Variants in AGBL4 observed in about 807,000 individuals in gnomAD.
AGBL4 encodes the protein cytosolic carboxypeptidase 6.
Under a neutral mutation model 66.4 loss-of-function variants are expected in AGBL4, and 58 were observed. That is an observed-to-expected ratio of 0.87 (90% CI 0.71 to 1.09). AGBL4 has a LOEUF of 1.09. Among genes scored for constraint, AGBL4 ranks in the 50% least tolerant of loss-of-function variants. The pLI, the probability that AGBL4 is intolerant of heterozygous loss-of-function variation, is 0.00. For missense variants in AGBL4, 579 were observed against 631.0 expected (o/e 0.92, Z 0.88); for synonymous variants, 234 against 222.9 (o/e 1.05, Z -0.44).
At chr1:49,615,236 T>A (rs1399961868) in intron 3 of AGBL4, among the ~76,000 whole-genome samples, 4 of 152,162 alleles carry the variant, frequency 2.6e-5, no homozygotes, top group Non-Finnish European at 4.4e-5. Context: ...GGAGGCAGTA[T>A]AAATCTCCTG....
chr1:49,185,194 AAGT>A (rs1465316516), intron 4 of AGBL4, among the ~76,000 whole-genome samples: 2 of 152,188 alleles, frequency 1.3e-5, no homozygotes, highest in Admixed American at 6.5e-5. Context: ...AGATGCCCGT[AAGT>A]AAGACAGACC....
chr1:48,617,299 T>C (rs1446262253), intron 9 of AGBL4, among the ~76,000 whole-genome samples: 9 of 152,144 alleles, frequency 5.9e-5, no homozygotes, highest in Admixed American at 2.0e-4. Flanking sequence ...TTTTAACAAA[T>C]TATACCAAAG....
chr1:48,660,830 G>A (rs768149936), intron 7 of AGBL4, among the ~76,000 whole-genome samples: 2 of 112,696 alleles, frequency 1.8e-5, no homozygotes, highest in Non-Finnish European at 4.3e-5. Context: ...ATTGTTGTGG[G>A]TGATCAGAAC....
chr1:48,668,793 G>A (rs545928587), intron 6 of AGBL4, among the ~76,000 whole-genome samples: 2 of 150,594 alleles, frequency 1.3e-5, no homozygotes, highest in South Asian at 2.1e-4. Context: ...ACAATAAAGA[G>A]GGAATGGATG....
intron 6 of AGBL4, among the ~76,000 whole-genome samples, chr1:48,739,258 AC>A (rs1228173749): frequency 6.6e-6 from 1 of 152,136 alleles, no homozygotes; most frequent in African/African-American, 2.4e-5. Flanking sequence ...TATAATCACG[AC>A]AGATTAAGTT....
intron 3 of AGBL4, among the ~76,000 whole-genome samples, chr1:49,371,903 T>A (rs994503238): frequency 6.6e-6 from 1 of 151,348 alleles, no homozygotes; most frequent in South Asian, 2.1e-4. Flanking sequence ...CCTGATGGTG[T>A]CTCAGACCTC....
At chr1:49,247,142 T>C (rs941229450) in intron 3 of AGBL4, among the ~76,000 whole-genome samples, 1 of 152,056 alleles carries the variant, frequency 6.6e-6, no homozygotes, top group Admixed American at 6.6e-5. Flanking sequence ...TACTCTTGAG[T>C]TAATCACTAA....
intron 2 of AGBL4, among the ~76,000 whole-genome samples, chr1:49,709,544 G>A (rs1238884514): frequency 2.6e-5 from 4 of 152,076 alleles, no homozygotes; most frequent in African/African-American, 7.2e-5. Context: ...AAAAGCAATG[G>A]CAACAAAAGC....
At chr1:49,606,106 G>C (rs1307754581) in intron 3 of AGBL4, among the ~76,000 whole-genome samples, 1 of 152,104 alleles carries the variant, frequency 6.6e-6, no homozygotes. Flanking sequence ...TTCGCCTTCT[G>C]AATTCCAGAT....
At chr1:49,841,640 C>T (rs1023289907) in intron 2 of AGBL4, among the ~76,000 whole-genome samples, 4 of 151,996 alleles carry the variant, frequency 2.6e-5, no homozygotes, top group African/African-American at 4.8e-5. Flanking sequence ...GGTACTAAAA[C>T]GGACACAGAG....
intron 6 of AGBL4, among the ~76,000 whole-genome samples, chr1:48,824,113 C>T (rs1045601855): frequency 5.3e-5 from 8 of 152,160 alleles, no homozygotes; most frequent in Non-Finnish European, 1.2e-4. Context: ...TTTCTTCCTT[C>T]TTTTCCTCTG....
intron 4 of AGBL4, among the ~76,000 whole-genome samples, chr1:49,056,164 T>C (rs1644304516): frequency 6.6e-6 from 1 of 152,108 alleles, no homozygotes; most frequent in Non-Finnish European, 1.5e-5. Context: ...AAATACTGCC[T>C]GTTTTATTTG....
intron 4 of AGBL4, among the ~76,000 whole-genome samples, chr1:49,171,111 G>T (rs983184514): frequency 6.6e-6 from 1 of 152,124 alleles, no homozygotes; most frequent in Non-Finnish European, 1.5e-5. Context: ...TTGCAAAAGG[G>T]TATGAACTCA....
intron 1 of AGBL4, among the ~76,000 whole-genome samples, chr1:49,899,306 C>T (rs1649535389): frequency 6.6e-6 from 1 of 151,666 alleles, no homozygotes; most frequent in Admixed American, 6.6e-5. Context: ...AATAAGACAC[C>T]TATATTCACT....
chr1:49,725,073 A>C (rs1317148064), intron 2 of AGBL4, among the ~76,000 whole-genome samples: 1 of 152,044 alleles, frequency 6.6e-6, no homozygotes, highest in Admixed American at 6.6e-5. Flanking sequence ...AGGGAATAAA[A>C]GCACTTGTTT....
chr1:49,803,586 A>G (rs964381308), intron 2 of AGBL4, among the ~76,000 whole-genome samples: 2 of 152,170 alleles, frequency 1.3e-5, no homozygotes, highest in Non-Finnish European at 2.9e-5. Flanking sequence ...CAGCTCTGTG[A>G]TCTTGAAAAA....
At chr1:49,067,774 T>C (rs1644517409) in intron 4 of AGBL4, among the ~76,000 whole-genome samples, 1 of 152,224 alleles carries the variant, frequency 6.6e-6, no homozygotes, top group African/African-American at 2.4e-5. Context: ...TTTATTATTA[T>C]ACTTTAAGTT....
intron 2 of AGBL4, among the ~76,000 whole-genome samples, chr1:49,812,349 C>T (rs1201703161): frequency 6.6e-6 from 1 of 152,138 alleles, no homozygotes; most frequent in African/African-American, 2.4e-5. Context: ...AGCATGATTT[C>T]CTCCAACACC....
rs1346050028 is a variant in AGBL4, at chr1:48,736,545, G to C, written c.635-73304C>G. 10 of 1,069,406 alleles carry C rather than the reference G, an allele frequency of 9.4e-6. No homozygotes were observed. Among genetic ancestry groups the C allele is most frequent in the Non-Finnish European group, 1.4e-5 (10 of 712,652 alleles). 66.2% of individuals were successfully genotyped at this position (1,069,406 alleles called of 1,614,324 possible). On this transcript the variant is annotated intron_variant, in intron 6 of 13. Coordinates refer to ENST00000371839, the MANE Select transcript of AGBL4 (RefSeq NM_032785.4). This position sits in a 1 kb window ranked among gnomAD's most constrained non-coding sequence, Gnocchi z 4.0. ...CTTTAAAAAGCATTGCTGCACAACT[G>C]TAAGAGATTCATGTCATAAATATGA...
Sources: gnomAD v4.1 joint callset for allele counts (sites outside exome capture counted in the v4.1 genomes callset) on GRCh38, gnomAD v4.1.1 for gene constraint, Gnocchi (gnomAD v3.1) non-coding constraint, MANE v1.5 for transcripts, NCBI Gene and HGNC (gene_info 2026-07-23, HGNC 2026-07-21) for gene names.